The following ANKRD45 variants were observed in gnomAD, a reference collection of about 807,000 sequenced individuals.
ANKRD45 encodes the protein ankyrin repeat domain 45.
In ANKRD45, 21 loss-of-function variants were observed where a neutral mutation model predicts 28.1. The observed-to-expected ratio is 0.75, with a 90% confidence interval of 0.53 to 1.08. ANKRD45 has a LOEUF of 1.08. ANKRD45 is among the 50% of genes least tolerant of loss of function. The pLI, the probability that ANKRD45 is intolerant of heterozygous loss-of-function variation, is 0.00. For missense variants in ANKRD45, 261 were observed against 308.7 expected (o/e 0.85, Z 1.16); for synonymous variants, 86 against 103.9 (o/e 0.83, Z 1.05).
chr1:173,710,642 C>T, the ANKRD45 span, among the ~76,000 whole-genome samples: 1 of 152,176 alleles, frequency 6.6e-6, no homozygotes, highest in African/African-American at 2.4e-5. Context: ...ACCAGCTAAA[C>T]TCTGCCATTT....
intron 3 of ANKRD45, among the ~76,000 whole-genome samples, chr1:173,642,205 A>AT (rs1379718821): frequency 1.3e-5 from 2 of 152,148 alleles, no homozygotes; most frequent in Non-Finnish European, 2.9e-5. Context: ...ATGGAAAGGG[A>AT]TTTTCACTTC....
At chr1:173,709,868 G>A in the ANKRD45 span, among the ~76,000 whole-genome samples, 1 of 152,148 alleles carries the variant, frequency 6.6e-6, no homozygotes, top group Non-Finnish European at 1.5e-5. Context: ...CTGGGCTCAA[G>A]CAATACTTCT....
intron 3 of ANKRD45, among the ~76,000 whole-genome samples, chr1:173,637,492 C>A (rs530974051): frequency 1.1e-4 from 16 of 152,348 alleles, no homozygotes; most frequent in African/African-American, 3.6e-4. Context: ...GCCTGTTTCT[C>A]TTTCCTTATT....
intron 1 of ANKRD45, among the ~76,000 whole-genome samples, chr1:173,664,918 C>T (rs1669943758): frequency 6.6e-6 from 1 of 151,990 alleles, no homozygotes; most frequent in African/African-American, 2.4e-5. Context: ...CAATCCAATC[C>T]CTCAATTTAT....
At chr1:173,677,204 C>G in the ANKRD45 span, among the ~76,000 whole-genome samples, 2 of 150,790 alleles carry the variant, frequency 1.3e-5, no homozygotes, top group Admixed American at 1.3e-4. Context: ...AGGTGCAAAA[C>G]TTTTATTTTG....
chr1:173,659,434 C>A lies in ANKRD45; in HGVS notation c.-15-1G>T. ...CTGACTCCATTAACTCCAAAAATAC[C>A]TATGACCAAAAAAATAAAAAAGTGA... On this transcript the variant is annotated splice_acceptor_variant, in intron 1 of 5. Transcript: ENST00000333279. LOFTEE classifies it low-confidence loss of function (5UTR_SPLICE). 1 of 1,506,194 alleles carries A rather than the reference C, an allele frequency of 6.6e-7. No homozygotes were observed. Among genetic ancestry groups the A allele is most frequent in the Non-Finnish European group, 8.9e-7 (1 of 1,129,258 alleles). 93.3% of individuals were successfully genotyped at this position (1,506,194 alleles called of 1,614,324 possible). A position where few individuals can be genotyped will look rare whatever the true frequency, so the allele number is the denominator to read the frequency against.
At chr1:173,688,939 GACA>G in the ANKRD45 span, among the ~76,000 whole-genome samples, 1 of 152,192 alleles carries the variant, frequency 6.6e-6, no homozygotes, top group East Asian at 1.9e-4. Context: ...CTGAGGAGGA[GACA>G]ACATTAGACG....
chr1:173,635,949 G>T (rs1668420350), intron 3 of ANKRD45: 3 of 864,586 alleles, frequency 3.5e-6, no homozygotes, highest in South Asian at 3.7e-5. Flanking sequence ...ATTCCTCATT[G>T]TAACCTTCCC....
chr1:173,674,905 C>G, the ANKRD45 span, among the ~76,000 whole-genome samples: 1 of 152,148 alleles, frequency 6.6e-6, no homozygotes, highest in Non-Finnish European at 1.5e-5. Flanking sequence ...AAATGAGTCT[C>G]TGGTCTCAGG....
At chr1:173,626,964 G>A (rs1319792191) in intron 4 of ANKRD45, 101 bp downstream of exon 4, 2 of 735,600 alleles carry the variant, frequency 2.7e-6, no homozygotes, top group South Asian at 3.8e-5. Context: ...GAGGGAGGAA[G>A]TAAGGACCAC....
the ANKRD45 span, among the ~76,000 whole-genome samples, chr1:173,696,060 C>A: frequency 6.6e-6 from 1 of 152,146 alleles, no homozygotes; most frequent in African/African-American, 2.4e-5. Flanking sequence ...CTGTGACCCA[C>A]ACCCTATTCG....
the ANKRD45 span, among the ~76,000 whole-genome samples, chr1:173,697,909 C>T: frequency 5.9e-5 from 9 of 151,620 alleles, no homozygotes; most frequent in Middle Eastern, 3.4e-3. Context: ...GTGTGCTGTA[C>T]TCAGGAGACC....
At position 173,609,650 on chromosome 1, in the gene ANKRD45, C is replaced by T. The variant is rs1667060681; in HGVS notation, c.*495G>A. 1 of 154,158 alleles carries T rather than the reference C, an allele frequency of 6.5e-6. No homozygotes were observed. The highest frequency in any genetic ancestry group is 2.4e-5 in the African/African-American group (1 of 41,450). The allele number at this position is 154,158 out of a possible 1,614,324, so 9.5% of individuals were successfully genotyped here. ...AGGGGTTTTACTCAGAGGTATACCCCACCTCACAGGTGAAATTTAATTTTG... is the reference window on the plus strand; with the variant it reads ...AGGGGTTTTACTCAGAGGTATACCCTACCTCACAGGTGAAATTTAATTTTG... On this transcript the variant is annotated 3_prime_UTR_variant, in exon 6 of 6. Coordinates refer to ENST00000333279, the MANE Select transcript of ANKRD45 (RefSeq NM_198493.3).
chr1:173,610,341 C>T lies in ANKRD45; in HGVS notation c.731-126G>A, dbSNP rs1184806036. The T allele has an allele frequency of 1.4e-5, 12 of 835,474 alleles. No homozygotes were observed. The East Asian group carries it at 2.8e-4, about 20-fold the overall frequency. The allele number at this position is 835,474 out of a possible 1,614,324, so 51.8% of individuals were successfully genotyped here. ...TCCCAGGCTGAACCAGCTACTAATTCAACCCTAGTGTTGTTGGTATGTCAT... is the reference window on the plus strand; with the variant it reads ...TCCCAGGCTGAACCAGCTACTAATTTAACCCTAGTGTTGTTGGTATGTCAT... On this transcript the variant is annotated intron_variant, in intron 5 of 5. Coordinates refer to ENST00000333279, the MANE Select transcript of ANKRD45 (RefSeq NM_198493.3).
the ANKRD45 span, among the ~76,000 whole-genome samples, chr1:173,704,745 C>T: frequency 6.6e-6 from 1 of 152,228 alleles, no homozygotes; most frequent in Non-Finnish European, 1.5e-5. Flanking sequence ...TGACTGCTTT[C>T]TTGAACCACT....
At chr1:173,678,453 T>A in the ANKRD45 span, among the ~76,000 whole-genome samples, 1 of 151,970 alleles carries the variant, frequency 6.6e-6, no homozygotes. Context: ...ACAGAACCAA[T>A]GACAAAACCC....
chr1:173,610,309 T>C (rs1667088030), intron 5 of ANKRD45, 94 bp from the exon 6 acceptor site: 1 of 1,212,970 alleles, frequency 8.2e-7, no homozygotes, highest in South Asian at 1.2e-5. Context: ...TGGAATAAAT[T>C]AGATTGTCCC....
At chr1:173,682,425 C>T in the ANKRD45 span, among the ~76,000 whole-genome samples, 1 of 152,092 alleles carries the variant, frequency 6.6e-6, no homozygotes, top group Non-Finnish European at 1.5e-5. Flanking sequence ...TCTGTTTACA[C>T]TCTTGGAGTT....
the ANKRD45 span, among the ~76,000 whole-genome samples, chr1:173,681,549 GATAGAAGTACATCTT>G: frequency 6.6e-6 from 1 of 152,114 alleles, no homozygotes; most frequent in Non-Finnish European, 1.5e-5. Context: ...TAGGCATGCC[GATAGAAGTACATCTT>G]ATAGATTCAT....
Sources: allele counts gnomAD v4.1 joint callset (sites outside exome capture counted in the v4.1 genomes callset), GRCh38; gene constraint gnomAD v4.1.1; transcripts MANE v1.5; gene names NCBI Gene and HGNC (gene_info 2026-07-23, HGNC 2026-07-21).